TAFA4: variants seen among roughly 807,000 people sequenced by gnomAD.
TAFA4 encodes chemokine-like protein TAFA-4.
Under a neutral mutation model 21.1 loss-of-function variants are expected in TAFA4, and 20 were observed. The observed-to-expected ratio is 0.95, with a 90% confidence interval of 0.67 to 1.38. The LOEUF (loss-of-function observed/expected upper bound fraction) is 1.38. Among genes scored for constraint, TAFA4 ranks in the 40% most tolerant of loss-of-function variants. The pLI is 0.00. For synonymous variants in TAFA4, 71 were observed against 67.4 expected, an observed-to-expected ratio of 1.05 and a Z score of -0.26; for missense variants, 211 against 180.9, an observed-to-expected ratio of 1.17 and a Z score of -0.95.
intron 5 of TAFA4, among the ~76,000 whole-genome samples, chr3:68,738,787 G>C (rs1326673845): frequency 1.3e-5 from 2 of 152,132 alleles, no homozygotes; most frequent in Non-Finnish European, 2.9e-5. Context: ...TTGGCCTGTC[G>C]ACTCTGAAAC....
At chr3:68,877,844 C>G (rs2106946345) in intron 3 of TAFA4, among the ~76,000 whole-genome samples, 1 of 152,286 alleles carries the variant, frequency 6.6e-6, no homozygotes, top group Middle Eastern at 3.4e-3. Context: ...TCGATGCCTC[C>G]AAATGTGAAA....
chr3:68,905,504 T>A (rs1210101888), intron 1 of TAFA4, among the ~76,000 whole-genome samples: 1 of 151,976 alleles, frequency 6.6e-6, no homozygotes, highest in Non-Finnish European at 1.5e-5. Flanking sequence ...TCATAAAAAA[T>A]TAATATGTCA....
chr3:68,751,909 G>T (rs1263371213), intron 4 of TAFA4, among the ~76,000 whole-genome samples: 1 of 152,232 alleles, frequency 6.6e-6, no homozygotes. Flanking sequence ...ATAAAGAACT[G>T]TAGGTGGAAA....
intron 3 of TAFA4, among the ~76,000 whole-genome samples, chr3:68,759,915 ATTTATTTT>A (rs1702729305): frequency 6.6e-6 from 1 of 152,042 alleles, no homozygotes; most frequent in Non-Finnish European, 1.5e-5. Flanking sequence ...ACTAATTTCT[ATTTATTTT>A]ACCAACTCTT....
intron 3 of TAFA4, among the ~76,000 whole-genome samples, chr3:68,812,147 C>T (rs563100064): frequency 6.6e-6 from 1 of 152,260 alleles, no homozygotes; most frequent in East Asian, 1.9e-4. Context: ...CACCACCAGG[C>T]CTGTGCTAAA....
In TAFA4 at chr3:68,841,334, A is replaced by T. The variant is rs1225137677; in HGVS notation, c.130+39396T>A. Among the ~76,000 whole-genome samples, 2 of 72,334 alleles carry T rather than the reference A, an allele frequency of 2.8e-5. 1 individual carries two copies. Among genetic ancestry groups the T allele is most frequent in the East Asian group, 5.2e-4 (2 of 3,864 alleles). 47.5% of individuals were successfully genotyped at this position (72,334 alleles called of 152,430 possible). The stretch of plus-strand genomic sequence containing the variant: ...CGAGACTCCGTCTCAAAAAAAAAAA[A>T]AATAAAAAAAAATAAAATCCACACA... On this transcript the variant is annotated intron_variant, in intron 3 of 5. Transcript: ENST00000295569.
intron 4 of TAFA4, among the ~76,000 whole-genome samples, chr3:68,743,760 C>T (rs1199866786): frequency 6.6e-6 from 1 of 152,082 alleles, no homozygotes; most frequent in African/African-American, 2.4e-5. Flanking sequence ...CAGATAAAAA[C>T]CAGAGCTTCC....
Position 68,897,953 on chromosome 3 carries a change from T to C in TAFA4, c.-122-12643A>G, listed in dbSNP as rs904014160. Among the ~76,000 whole-genome samples the C allele has an allele frequency of 3.9e-5, 6 of 152,338 alleles. No homozygotes were observed. The South Asian group carries it at 1.0e-3, about 26-fold the overall frequency. On this transcript the variant is annotated intron_variant, in intron 1 of 5. Transcript: ENST00000295569. ...AGACAACAGATCACATTGGGATTCATTGACTGATTTCCTGGTAGACAGCAA... is the reference window on the plus strand; with the variant it reads ...AGACAACAGATCACATTGGGATTCACTGACTGATTTCCTGGTAGACAGCAA...
At chr3:68,734,691 C>T (rs1415456944) in intron 5 of TAFA4, among the ~76,000 whole-genome samples, 1 of 152,096 alleles carries the variant, frequency 6.6e-6, no homozygotes, top group Non-Finnish European at 1.5e-5. Context: ...GATTGTCTCC[C>T]TTTGCCTTAG....
intron 3 of TAFA4, among the ~76,000 whole-genome samples, chr3:68,847,767 G>A (rs534131169): frequency 5.9e-5 from 9 of 152,306 alleles, no homozygotes; most frequent in African/African-American, 9.6e-5. Context: ...ATTTGAACAC[G>A]GTAAGGTGTG....
chr3:68,843,270 G>T (rs1704708616), intron 3 of TAFA4, among the ~76,000 whole-genome samples: 1 of 152,060 alleles, frequency 6.6e-6, no homozygotes, highest in Non-Finnish European at 1.5e-5. Flanking sequence ...ATATTCCTAG[G>T]TATTTTATTC....
At chr3:68,848,106 T>G (rs532619342) in intron 3 of TAFA4, among the ~76,000 whole-genome samples, 3 of 152,242 alleles carry the variant, frequency 2.0e-5, no homozygotes, top group African/African-American at 4.8e-5. Flanking sequence ...CTTCATTTTA[T>G]AGTTGAGGAG....
Position 68,733,575 on chromosome 3 carries a change from T to C in TAFA4, c.412-422A>G, listed in dbSNP as rs1702189897. Among the ~76,000 whole-genome samples, 2 of 152,186 alleles carry C rather than the reference T, an allele frequency of 1.3e-5. 1 individual carries two copies. The highest frequency in any genetic ancestry group is 4.1e-4 in the South Asian group (2 of 4,834). On this transcript the variant is annotated intron_variant, in intron 5 of 5. Transcript: ENST00000295569. ...TTTTTTATGCAGTTAACTTTCACTT[T>C]TGAAAATAGGTTATTTTATAAAACT...
chr3:68,789,878 TG>T (rs1371096952), intron 3 of TAFA4, among the ~76,000 whole-genome samples: 1 of 152,084 alleles, frequency 6.6e-6, no homozygotes, highest in Non-Finnish European at 1.5e-5. Context: ...ACCTCTAAAA[TG>T]AGGATATAAT....
chr3:68,858,577 CGTGTGTGTGTGTGTGTGT>C (rs4065047), intron 3 of TAFA4, among the ~76,000 whole-genome samples: 2 of 146,058 alleles, frequency 1.4e-5, no homozygotes, highest in African/African-American at 2.5e-5. Context: ...TTCCAAGTGA[CGTGTGTGTGTGTGTGTGT>C]GTGTGTGTGT....
intron 3 of TAFA4, among the ~76,000 whole-genome samples, chr3:68,759,704 A>G (rs1445669146): frequency 6.6e-6 from 1 of 152,212 alleles, no homozygotes; most frequent in Non-Finnish European, 1.5e-5. Context: ...AACTTCTCAT[A>G]TGGAGTTTAC....
At position 68,887,180 on chromosome 3, in the gene TAFA4, T is replaced by C. The variant is rs566035250; in HGVS notation, c.-122-1870A>G. Among the ~76,000 whole-genome samples the C allele has an allele frequency of 5.9e-5, 9 of 151,926 alleles. No individual in the cohort carries two copies. The South Asian group carries it at 1.9e-3, about 32-fold the overall frequency. On this transcript the variant is annotated intron_variant, in intron 1 of 5. Transcript: ENST00000295569. ...ACATTCCCATTCCAAAAGGGAGAAA[T>C]AGAAAAAGAAAAGAAGTAACTGGTT...
At chr3:68,888,127 A>T (rs1464445495) in intron 1 of TAFA4, among the ~76,000 whole-genome samples, 1 of 152,090 alleles carries the variant, frequency 6.6e-6, no homozygotes, top group Non-Finnish European at 1.5e-5. Flanking sequence ...ATACTAGATC[A>T]TTGCTCTTAA....
chr3:68,819,985 C>T (rs1184944123), intron 3 of TAFA4, among the ~76,000 whole-genome samples: 1 of 152,154 alleles, frequency 6.6e-6, no homozygotes, highest in Admixed American at 6.5e-5. Flanking sequence ...CCTGTACTCC[C>T]ACATTCATTG....
Sources: allele counts gnomAD v4.1 joint callset (sites outside exome capture counted in the v4.1 genomes callset), GRCh38; gene constraint gnomAD v4.1.1; transcripts MANE v1.5; gene names NCBI Gene and HGNC (gene_info 2026-07-23, HGNC 2026-07-21).